ATXN1: variants seen among roughly 807,000 people sequenced by gnomAD.
ATXN1 encodes the protein ataxin 1.
A neutral mutation model predicts 56.4 loss-of-function variants in ATXN1; 8 were observed. That is an observed-to-expected ratio of 0.14 (90% CI 0.08 to 0.26). The LOEUF (loss-of-function observed/expected upper bound fraction) is 0.26, where lower values mean the gene tolerates loss of function less well. Ranked by LOEUF, ATXN1 falls within the 10% of genes least tolerant of loss-of-function variation. The probability of loss-of-function intolerance (pLI) is 1.00; values close to 1 mark genes in which losing one functional copy is unlikely to be tolerated. For missense variants in ATXN1, 987 were observed against 1,106.5 expected, an observed-to-expected ratio of 0.89 and a Z score of 1.53; for synonymous variants, 514 against 494.6, an observed-to-expected ratio of 1.04 and a Z score of -0.52.
At chr6:16,693,519 T>C (rs918203170) in intron 2 of ATXN1, among the ~76,000 whole-genome samples, 2 of 152,206 alleles carry the variant, frequency 1.3e-5, no homozygotes, top group African/African-American at 4.8e-5. Context: ...CATTCTCTCC[T>C]GCCTGAGAAT....
chr6:16,659,711 G>A (rs1419437567), intron 2 of ATXN1, among the ~76,000 whole-genome samples: 1 of 152,072 alleles, frequency 6.6e-6, no homozygotes, highest in Non-Finnish European at 1.5e-5. Context: ...AATGTAATGC[G>A]GTTTTAGTTT....
intron 7 of ATXN1, among the ~76,000 whole-genome samples, chr6:16,321,351 C>T (rs2113398849): frequency 1.3e-5 from 2 of 152,302 alleles, no homozygotes; most frequent in African/African-American, 4.8e-5. Context: ...TTCTGTCATC[C>T]TTTGGGACTC....
chr6:16,694,196 A>G (rs1759107201), intron 2 of ATXN1, among the ~76,000 whole-genome samples: 1 of 152,102 alleles, frequency 6.6e-6, no homozygotes, highest in South Asian at 2.1e-4. Context: ...GCTCCTGAGA[A>G]GAGGAAATTA....
At chr6:16,717,206 G>A (rs932791687) in intron 2 of ATXN1, among the ~76,000 whole-genome samples, 1 of 152,264 alleles carries the variant, frequency 6.6e-6, no homozygotes. Flanking sequence ...GGAAAGTACA[G>A]AGTCACTAAA....
At chr6:16,673,486 G>T (rs1213294357) in intron 2 of ATXN1, among the ~76,000 whole-genome samples, 2 of 152,128 alleles carry the variant, frequency 1.3e-5, no homozygotes, top group African/African-American at 4.8e-5. Context: ...GTCAAGGCAG[G>T]CTGATTTATC....
chr6:16,629,058 A>T (rs1252108950), intron 3 of ATXN1, among the ~76,000 whole-genome samples: 1 of 152,130 alleles, frequency 6.6e-6, no homozygotes, highest in Non-Finnish European at 1.5e-5. Flanking sequence ...TGCCTTCCAC[A>T]ATGGCTGAAC....
chr6:16,576,545 T>C (rs1353194006), intron 4 of ATXN1, among the ~76,000 whole-genome samples: 1 of 152,252 alleles, frequency 6.6e-6, no homozygotes, highest in Non-Finnish European at 1.5e-5. Flanking sequence ...TTCTAAAGGA[T>C]GAATAAGCAA....
chr6:16,435,279 T>G (rs1339583903), intron 6 of ATXN1, among the ~76,000 whole-genome samples: 5 of 151,540 alleles, frequency 3.3e-5, no homozygotes, highest in African/African-American at 4.9e-5. Context: ...TGATGAGAGG[T>G]CTGGCCTAGA....
chr6:16,653,420 A>G (rs1159634080), intron 3 of ATXN1, among the ~76,000 whole-genome samples: 1 of 152,236 alleles, frequency 6.6e-6, no homozygotes, highest in African/African-American at 2.4e-5. Context: ...CTCTTCTGCC[A>G]CCAAAACTGA....
At chr6:16,343,270 G>A (rs574425756) in intron 6 of ATXN1, among the ~76,000 whole-genome samples, 1 of 152,304 alleles carries the variant, frequency 6.6e-6, no homozygotes, top group Admixed American at 6.5e-5. Flanking sequence ...GCGTGAACCT[G>A]GGAGGCAGGC....
At chr6:16,690,244 T>C (rs1305971070) in intron 2 of ATXN1, among the ~76,000 whole-genome samples, 1 of 152,020 alleles carries the variant, frequency 6.6e-6, no homozygotes, top group Non-Finnish European at 1.5e-5. Flanking sequence ...GTTTTTGCTC[T>C]GATTGGGTAG....
At chr6:16,455,591 T>C (rs1328706157) in intron 6 of ATXN1, among the ~76,000 whole-genome samples, 2 of 152,216 alleles carry the variant, frequency 1.3e-5, no homozygotes, top group South Asian at 4.1e-4. Flanking sequence ...ACTAAAAACT[T>C]AAGTCCACAC....
At chr6:16,722,413 G>A (rs992494146) in intron 2 of ATXN1, among the ~76,000 whole-genome samples, 4 of 152,152 alleles carry the variant, frequency 2.6e-5, no homozygotes, top group African/African-American at 9.7e-5. Context: ...CACGTCCTGT[G>A]AAGTTATAAA....
At chr6:16,734,876 T>G (rs1014067346) in intron 2 of ATXN1, among the ~76,000 whole-genome samples, 1 of 152,174 alleles carries the variant, frequency 6.6e-6, no homozygotes, top group Non-Finnish European at 1.5e-5. Context: ...GAGGTCCACA[T>G]AGAGGACATC....
chr6:16,598,607 C>T (rs963201312), intron 3 of ATXN1, among the ~76,000 whole-genome samples: 4 of 152,140 alleles, frequency 2.6e-5, no homozygotes, highest in Non-Finnish European at 5.9e-5. Flanking sequence ...AGCAGCCACT[C>T]GGACACTGGT....
chr6:16,440,648 A>AAAAAAAAAAAAAAAAAAAAGAAAAAAAG (rs748929817), intron 6 of ATXN1, among the ~76,000 whole-genome samples: 1 of 118,548 alleles, frequency 8.4e-6, no homozygotes, highest in South Asian at 3.0e-4. Flanking sequence ...CTTAAAAAAA[A>AAAAAAAAAAAAAAAAAAAAGAAAAAAAG]AAAAGAAAAG....
intron 6 of ATXN1, among the ~76,000 whole-genome samples, chr6:16,478,072 A>T (rs1760363214): frequency 6.6e-6 from 1 of 152,220 alleles, no homozygotes; most frequent in Non-Finnish European, 1.5e-5. Flanking sequence ...GAGGCACAGA[A>T]ATAGATCACC....
intron 6 of ATXN1, among the ~76,000 whole-genome samples, chr6:16,466,184 A>G: frequency 6.6e-6 from 1 of 151,868 alleles, no homozygotes; most frequent in East Asian, 1.9e-4. Flanking sequence ...GCGCAGTGGC[A>G]GGTGCCTGTA....
At chr6:16,454,522 T>G (rs1022568147) in intron 6 of ATXN1, among the ~76,000 whole-genome samples, 3 of 152,196 alleles carry the variant, frequency 2.0e-5, no homozygotes, top group African/African-American at 7.2e-5. Flanking sequence ...ACAAACTGGC[T>G]TGAGAAGCTG....
Sources: gnomAD v4.1 joint callset for allele counts (sites outside exome capture counted in the v4.1 genomes callset) on GRCh38, gnomAD v4.1.1 for gene constraint, MANE v1.5 for transcripts, NCBI Gene and HGNC (gene_info 2026-07-23, HGNC 2026-07-21) for gene names.